Variants in UGT1A10 observed in about 807,000 individuals in gnomAD.
UGT1A10 encodes the protein UDP-glucuronosyltransferase 1A10.
UGT1A10 carries 49 observed loss-of-function variants against 45.8 expected under a neutral mutation model. That is an observed-to-expected ratio of 1.07 (90% confidence interval 0.85 to 1.36). UGT1A10 has a LOEUF of 1.36. Among genes scored for constraint, UGT1A10 ranks in the 40% most tolerant of loss-of-function variants. The pLI is 0.00. For synonymous variants in UGT1A10, 284 were observed against 249.7 expected (o/e 1.14, Z -1.29); for missense variants, 745 against 668.6 (o/e 1.11, Z -1.26).
At chr2:233,730,637 G>A (rs2078055755) in intron 1 of UGT1A10, among the ~76,000 whole-genome samples, 1 of 152,192 alleles carries the variant, frequency 6.6e-6, no homozygotes, top group African/African-American at 2.4e-5. Flanking sequence ...TCTGGTGCAT[G>A]ATGTGGGGAC....
intron 1 of UGT1A10, chr2:233,648,997 A>G: frequency 1.4e-6 from 2 of 1,387,288 alleles, no homozygotes. Context: ...TGGTGGTATC[A>G]ACTGCAATCA....
chr2:233,655,614 G>A (rs1026911387), intron 1 of UGT1A10, among the ~76,000 whole-genome samples: 34 of 152,140 alleles, frequency 2.2e-4, no homozygotes, highest in Admixed American at 4.6e-4. Context: ...AGTGTGTTTC[G>A]CCAAAAGAGT....
intron 1 of UGT1A10, among the ~76,000 whole-genome samples, chr2:233,649,485 G>T (rs1231344947): frequency 6.6e-6 from 1 of 152,160 alleles, no homozygotes; most frequent in East Asian, 1.9e-4. Context: ...GTTTCCATCT[G>T]TTGAAATTAT....
chr2:233,723,522 T>TC (rs2077093722), intron 1 of UGT1A10, among the ~76,000 whole-genome samples: 1 of 114,298 alleles, frequency 8.7e-6, no homozygotes. Flanking sequence ...CAATCTTTTT[T>TC]TTTTTTTTTT....
chr2:233,719,862 G>A (rs1026145959), intron 1 of UGT1A10, among the ~76,000 whole-genome samples: 4 of 152,186 alleles, frequency 2.6e-5, no homozygotes, highest in African/African-American at 9.7e-5. Flanking sequence ...AGTGGTCACT[G>A]AGAGGAAGAA....
At chr2:233,700,676 GTGATAATATATAAACTACAC>G (rs1157026955) in intron 1 of UGT1A10, among the ~76,000 whole-genome samples, 23 of 151,838 alleles carry the variant, frequency 1.5e-4, no homozygotes, top group Middle Eastern at 3.4e-3. Flanking sequence ...GCACAAATTC[GTGATAATATATAAACTACAC>G]TTTGAATGTT....
chr2:233,754,706 C>T, intron 1 of UGT1A10: 1 of 528,090 alleles, frequency 1.9e-6, no homozygotes, highest in South Asian at 1.5e-5. Context: ...TCGACATGGA[C>T]TTGAAGCTGC....
Position 233,772,634 on chromosome 2 carries a change from T to C in UGT1A10, c.*75T>C. On this transcript the variant is annotated 3_prime_UTR_variant, in exon 5 of 5. Transcript: ENST00000344644. ...CCAAACTTGAAAACAGAATCAGTGT[T>C]AAATTCATTTTATTCTTATTAAGGA... The C allele has an allele frequency of 6.4e-7, 1 of 1,555,940 alleles. No individual in the cohort carries two copies. The highest frequency in any genetic ancestry group is 2.4e-5 in the East Asian group (1 of 41,342).
At chr2:233,722,301 CCTTA>C (rs1342676069) in intron 1 of UGT1A10, among the ~76,000 whole-genome samples, 2 of 152,042 alleles carry the variant, frequency 1.3e-5, no homozygotes, top group Non-Finnish European at 2.9e-5. Context: ...ATTTTGTCAC[CCTTA>C]CTTACTTGGT....
At position 233,636,783 on chromosome 2, in the gene UGT1A10, C is replaced by T. The variant is rs1330678260; in HGVS notation, c.261C>T (p.Asn87=). The stretch of plus-strand genomic sequence containing the variant: ...CCTCGTACACTCTGGAAGATCAGAA[C>T]CGGGAATTCATGGTTTTCGCCCATG... ...YSTSYTLEDQ[N]REFMVFAHAQ... Residue 87 remains asparagine, a synonymous_variant, in exon 1 of 5, where the codon AAC becomes AAT. Transcript: ENST00000344644. 3.1e-6 allele frequency: 5 copies of T among 1,614,204 alleles called. No individual in the cohort carries two copies. Among genetic ancestry groups the T allele is most frequent in the Non-Finnish European group, 4.2e-6 (5 of 1,180,026 alleles).
chr2:233,693,665 C>G, intron 1 of UGT1A10: 1 of 1,614,238 alleles, frequency 6.2e-7, no homozygotes, highest in Non-Finnish European at 8.5e-7. Context: ...GGAGCCCTAT[C>G]TATTTTATTG....
At chr2:233,661,681 T>TTCTTTCTTTCTA (rs1177640661) in intron 1 of UGT1A10, among the ~76,000 whole-genome samples, 1 of 149,656 alleles carries the variant, frequency 6.7e-6, no homozygotes, top group South Asian at 2.1e-4. Flanking sequence ...CTTTCTTTCT[T>TTCTTTCTTTCTA]TTTAAACAAA....
intron 1 of UGT1A10, chr2:233,713,035 G>A: frequency 5.0e-6 from 8 of 1,613,988 alleles, no homozygotes; most frequent in Non-Finnish European, 6.8e-6. Context: ...CTGGCCACAG[G>A]ACTGCTGCTT....
At chr2:233,763,341 T>G (rs1156611161) in intron 1 of UGT1A10, among the ~76,000 whole-genome samples, 1 of 152,260 alleles carries the variant, frequency 6.6e-6, no homozygotes, top group Admixed American at 6.5e-5. Context: ...TACATTTCCC[T>G]AGCACATCTT....
chr2:233,679,142 A>T (rs533337992), intron 1 of UGT1A10, among the ~76,000 whole-genome samples: 1 of 152,272 alleles, frequency 6.6e-6, no homozygotes, highest in Admixed American at 6.5e-5. Context: ...TGAGAGACTG[A>T]ATTAGAGATG....
At chr2:233,693,927 A>T in intron 1 of UGT1A10, 1 of 1,608,872 alleles carries the variant, frequency 6.2e-7, no homozygotes, top group East Asian at 2.2e-5. Flanking sequence ...TCCCTCACTC[A>T]TTTGGCTCCT....
chr2:233,745,134 A>C (rs1693022664), intron 1 of UGT1A10, among the ~76,000 whole-genome samples: 1 of 151,864 alleles, frequency 6.6e-6, no homozygotes, highest in Admixed American at 6.5e-5. Context: ...TGCAGATGTG[A>C]AGCCCAAGTA....
Position 233,636,912 on chromosome 2 carries a change from C to T in UGT1A10, c.390C>T (p.Asp130=). ...FFSHCRSLFN[D]RKLVEYLKES... ...CGCATTGCAGGAGTTTGTTTAATGA[C>T]CGAAAATTAGTAGAATACTTAAAGG... is the stretch of plus-strand genomic sequence containing the variant. The change falls in exon 1 of 5, where the codon GAC becomes GAT. Residue 130 remains aspartate (D), a synonymous_variant. Coordinates refer to ENST00000344644, the MANE Select transcript of UGT1A10 (RefSeq NM_019075.4). The T allele has an allele frequency of 6.2e-7, 1 of 1,613,996 alleles. No homozygotes were observed. The highest frequency in any genetic ancestry group is 8.5e-7 in the Non-Finnish European group (1 of 1,180,008).
rs1019965389 is a variant in UGT1A10, at chr2:233,761,222, C to A, written c.856-5812C>A. 2.1e-5 allele frequency: 34 copies of A among 1,613,256 alleles called. No homozygotes were observed. In the African/African-American group the frequency reaches 4.4e-4, roughly 21 times the overall value. ...GTATTACTTTGGATCGATTAACTAG[C>A]CCCAGATATATGCTGAGCAAGCATT... On this transcript the variant is annotated intron_variant, in intron 1 of 4. Coordinates refer to ENST00000344644, the MANE Select transcript of UGT1A10 (RefSeq NM_019075.4).
Sources: allele counts gnomAD v4.1 joint callset (sites outside exome capture counted in the v4.1 genomes callset), GRCh38; gene constraint gnomAD v4.1.1; transcripts MANE v1.5; gene names NCBI Gene and HGNC (gene_info 2026-07-23, HGNC 2026-07-21).